Variants in ROBO2 observed in about 807,000 individuals in gnomAD.
The protein encoded by ROBO2 is roundabout guidance receptor 2, also known as roundabout homolog 2.
In ROBO2, 53 loss-of-function variants were observed where a neutral mutation model predicts 160.8. The observed-to-expected ratio is 0.33, with a 90% CI of 0.26 to 0.41. The LOEUF (loss-of-function observed/expected upper bound fraction) is 0.41, where lower values mean the gene tolerates loss of function less well. Ranked by LOEUF, ROBO2 falls within the 10% of genes least tolerant of loss-of-function variation. The probability of loss-of-function intolerance (pLI) is 1.00; values close to 1 mark genes in which losing one functional copy is unlikely to be tolerated. For synonymous variants in ROBO2, 664 were observed against 611.7 expected (o/e 1.09, Z -1.26); for missense variants, 1,577 against 1,722.4 (o/e 0.92, Z 1.49).
At chr3:76,430,762 G>C (rs576995660) in intron 2 of ROBO2, among the ~76,000 whole-genome samples, 1 of 151,810 alleles carries the variant, frequency 6.6e-6, no homozygotes, top group African/African-American at 2.4e-5. Flanking sequence ...CAGTACTTAA[G>C]ATATAGATAC....
intron 2 of ROBO2, among the ~76,000 whole-genome samples, chr3:77,302,363 C>T (rs960892224): frequency 1.3e-5 from 2 of 150,914 alleles, no homozygotes; most frequent in African/African-American, 2.4e-5. Context: ...GTTTGTGGTG[C>T]GCCCTTAATG....
intron 2 of ROBO2, among the ~76,000 whole-genome samples, chr3:76,266,712 C>G (rs1333529544): frequency 6.6e-6 from 1 of 152,042 alleles, no homozygotes; most frequent in Admixed American, 6.6e-5. Context: ...GGGGCTTGGG[C>G]AAGTCTATGA....
chr3:77,204,432 T>A (rs1446587053), intron 2 of ROBO2, among the ~76,000 whole-genome samples: 1 of 152,226 alleles, frequency 6.6e-6, no homozygotes, highest in Non-Finnish European at 1.5e-5. Flanking sequence ...GTTCAGCTTT[T>A]TTTGTCCCTC....
At chr3:77,354,234 C>A (rs545518469) in intron 2 of ROBO2, among the ~76,000 whole-genome samples, 1 of 152,136 alleles carries the variant, frequency 6.6e-6, no homozygotes, top group Admixed American at 6.5e-5. Flanking sequence ...TGGACACTGA[C>A]AATTACAATT....
intron 2 of ROBO2, among the ~76,000 whole-genome samples, chr3:75,973,022 C>T (rs1409417889): frequency 6.6e-6 from 1 of 151,650 alleles, no homozygotes; most frequent in Non-Finnish European, 1.5e-5. Context: ...TTAGAAGATA[C>T]TTCACTCAAA....
intron 2 of ROBO2, among the ~76,000 whole-genome samples, chr3:77,118,230 CAG>C (rs1253517304): frequency 6.6e-6 from 1 of 152,122 alleles, no homozygotes; most frequent in Non-Finnish European, 1.5e-5. Context: ...TTTGATATCT[CAG>C]AGCTGGCTTG....
intron 2 of ROBO2, among the ~76,000 whole-genome samples, chr3:76,465,143 C>T (rs954507116): frequency 6.6e-5 from 10 of 151,878 alleles, no homozygotes; most frequent in East Asian, 1.9e-4. Context: ...TTTGTTGAGG[C>T]GTAAGAACAA....
At chr3:77,528,524 C>A (rs561351744) in intron 6 of ROBO2, among the ~76,000 whole-genome samples, 1 of 151,762 alleles carries the variant, frequency 6.6e-6, no homozygotes, top group South Asian at 2.1e-4. Flanking sequence ...GTTTCCCAAT[C>A]TGACTTTCTG....
chr3:77,055,791 A>T (rs2065682637), intron 1 of ROBO2, among the ~76,000 whole-genome samples: 1 of 152,170 alleles, frequency 6.6e-6, no homozygotes, highest in Non-Finnish European at 1.5e-5. Flanking sequence ...TAACTACGAG[A>T]TGATTTCTTA....
At chr3:76,300,214 T>C (rs1709286988) in intron 2 of ROBO2, among the ~76,000 whole-genome samples, 1 of 152,122 alleles carries the variant, frequency 6.6e-6, no homozygotes, top group Non-Finnish European at 1.5e-5. Flanking sequence ...GAGTTCTGTG[T>C]GTTGATAAGA....
intron 2 of ROBO2, among the ~76,000 whole-genome samples, chr3:76,632,392 G>T (rs539038350): frequency 6.6e-6 from 1 of 152,274 alleles, no homozygotes; most frequent in African/African-American, 2.4e-5. Flanking sequence ...TCAAGGAAGG[G>T]TCTCAAGCCT....
At chr3:77,107,926 C>T (rs553187338) in intron 2 of ROBO2, among the ~76,000 whole-genome samples, 2 of 152,010 alleles carry the variant, frequency 1.3e-5, no homozygotes, top group South Asian at 4.2e-4. Flanking sequence ...TATAAATCTG[C>T]CTGCCTCATT....
intron 2 of ROBO2, among the ~76,000 whole-genome samples, chr3:76,166,943 T>C (rs2072861953): frequency 6.6e-6 from 1 of 151,928 alleles, no homozygotes; most frequent in Non-Finnish European, 1.5e-5. Flanking sequence ...GAGTTTTTGT[T>C]TGTTTGTTTG....
intron 1 of ROBO2, among the ~76,000 whole-genome samples, chr3:75,936,790 A>G (rs1476829396): frequency 6.6e-6 from 1 of 152,012 alleles, no homozygotes; most frequent in Non-Finnish European, 1.5e-5. Context: ...TATCAATATG[A>G]AAAGCAGTTT....
intron 2 of ROBO2, among the ~76,000 whole-genome samples, chr3:76,634,132 A>G (rs1386108365): frequency 6.6e-6 from 1 of 152,256 alleles, no homozygotes; most frequent in Non-Finnish European, 1.5e-5. Context: ...CAAGCTAGCG[A>G]GCAAAAAATC....
intron 2 of ROBO2, among the ~76,000 whole-genome samples, chr3:77,122,538 G>A (rs978739470): frequency 2.6e-5 from 4 of 152,076 alleles, no homozygotes; most frequent in Non-Finnish European, 4.4e-5. Flanking sequence ...TTTCATATTC[G>A]GAGTATATGT....
chr3:77,338,886 C>T (rs899387914), intron 2 of ROBO2, among the ~76,000 whole-genome samples: 8 of 152,024 alleles, frequency 5.3e-5, no homozygotes, highest in African/African-American at 1.7e-4. Context: ...AGAATAGTAA[C>T]GCCAGTGTAT....
chr3:77,632,336 C>A, intron 23 of ROBO2: 1 of 618,858 alleles, frequency 1.6e-6, no homozygotes, highest in Non-Finnish European at 2.7e-6. Flanking sequence ...GTACATGATA[C>A]TTGCATTTGG....
chr3:77,562,109 A>G (rs921324154), intron 9 of ROBO2, among the ~76,000 whole-genome samples: 41 of 151,102 alleles, frequency 2.7e-4, no homozygotes, highest in African/African-American at 1.0e-3. Flanking sequence ...GTCTCGGGGT[A>G]AAAAAAAAGT....
Sources: gnomAD v4.1 joint callset for allele counts (sites outside exome capture counted in the v4.1 genomes callset) on GRCh38, gnomAD v4.1.1 for gene constraint, MANE v1.5 for transcripts, NCBI Gene and HGNC (gene_info 2026-07-23, HGNC 2026-07-21) for gene names.